Variants in CSTF3 observed in about 807,000 individuals in gnomAD.
The protein encoded by CSTF3 is CF-1 77 kDa subunit.
In CSTF3, 29 loss-of-function variants were observed where a neutral mutation model predicts 105.8. That is an observed-to-expected ratio of 0.27 (90% CI 0.20 to 0.37). CSTF3 has a LOEUF of 0.37. Ranked by LOEUF, CSTF3 falls within the 10% of genes least tolerant of loss-of-function variation. The pLI, the probability that CSTF3 is intolerant of heterozygous loss-of-function variation, is 1.00. For synonymous variants in CSTF3, 252 were observed against 281.9 expected, an observed-to-expected ratio of 0.89 and a Z score of 1.06; for missense variants, 357 against 879.3, an observed-to-expected ratio of 0.41 and a Z score of 7.51.
At chr11:33,156,499 T>C (rs112369147) in intron 1 of CSTF3, among the ~76,000 whole-genome samples, 73 of 152,372 alleles carry the variant, frequency 4.8e-4, no homozygotes, top group African/African-American at 1.7e-3. Context: ...TTCATTATTT[T>C]CTAAATCTTC....
intron 8 of CSTF3, among the ~76,000 whole-genome samples, chr11:33,104,907 C>A (rs533921399): frequency 1.3e-5 from 2 of 152,292 alleles, no homozygotes; most frequent in South Asian, 4.1e-4. Context: ...AATATACATA[C>A]GAAAAACTTT....
intron 17 of CSTF3, among the ~76,000 whole-genome samples, chr11:33,089,322 G>A (rs981766490): frequency 9.4e-5 from 14 of 149,282 alleles, no homozygotes; most frequent in Admixed American, 6.7e-5. Context: ...ACTCCAGCCT[G>A]GGCAACAGAG....
At position 33,099,487 on chromosome 11, in the gene CSTF3, C is replaced by A; in HGVS notation, c.936+121G>T. 1.4e-6 allele frequency: 1 copy of A among 727,626 alleles called. No individual in the cohort carries two copies. The allele number at this position is 727,626 out of a possible 1,614,324, so 45.1% of individuals were successfully genotyped here. Reference sequence around the variant, plus strand: ...TGAGTGTCACTAAGATTCATATGAACGTAAACTTAAATTTTCAATACTTAT... The same window carrying A: ...TGAGTGTCACTAAGATTCATATGAAAGTAAACTTAAATTTTCAATACTTAT... On this transcript the variant is annotated intron_variant, in intron 11 of 20. Transcript: ENST00000323959. This position sits in a 1 kb window ranked among gnomAD's most constrained non-coding sequence, Gnocchi z 4.1.
At chr11:33,120,908 T>A (rs1855480506) in intron 3 of CSTF3, among the ~76,000 whole-genome samples, 2 of 151,996 alleles carry the variant, frequency 1.3e-5, no homozygotes, top group African/African-American at 4.8e-5. Context: ...AAAACCTCAC[T>A]TCAATAAAAA....
intron 13 of CSTF3, among the ~76,000 whole-genome samples, chr11:33,097,481 T>A (rs1268190838): frequency 1.3e-5 from 2 of 152,176 alleles, no homozygotes; most frequent in Non-Finnish European, 2.9e-5. Flanking sequence ...GCCATTCTCC[T>A]GCCTCAGGCT....
chr11:33,141,458 G>C (rs1565017233), intron 3 of CSTF3: 1 of 1,301,680 alleles, frequency 7.7e-7, no homozygotes, highest in Non-Finnish European at 9.7e-7. Context: ...TAATGTTGTT[G>C]CAACTCCAAA....
In CSTF3 at chr11:33,099,269, G is replaced by A. The variant is rs1395999379; in HGVS notation, c.937-119C>T. The stretch of plus-strand genomic sequence containing the variant: ...TGTGTCTAAGAAAGCATACATGTAT[G>A]TACACACATATATATGTATCCACAC... On this transcript the variant is annotated intron_variant, in intron 11 of 20. Transcript: ENST00000323959. The surrounding 1 kb of genome is among the most constrained non-coding windows in gnomAD (Gnocchi z 4.1). 1.7e-6 allele frequency: 2 copies of A among 1,201,402 alleles called. No homozygotes were observed. The highest frequency in any genetic ancestry group is 2.3e-6 in the Non-Finnish European group (2 of 867,062). 74.4% of individuals were successfully genotyped at this position (1,201,402 alleles called of 1,614,324 possible).
chr11:33,110,796 T>C (rs571339226), intron 3 of CSTF3, among the ~76,000 whole-genome samples: 3 of 152,330 alleles, frequency 2.0e-5, no homozygotes, highest in East Asian at 3.9e-4. Context: ...TGAAGCCATG[T>C]AATGAAAAGG....
intron 15 of CSTF3, among the ~76,000 whole-genome samples, chr11:33,095,714 C>T (rs929113912): frequency 6.6e-6 from 1 of 150,712 alleles, no homozygotes; most frequent in Non-Finnish European, 1.5e-5. Context: ...CCAGCTACTC[C>T]GGAGGCTGAG....
chr11:33,103,149 T>C lies in CSTF3; in HGVS notation c.621A>G (p.Glu207=). 1 of 1,569,364 alleles carries C rather than the reference T, an allele frequency of 6.4e-7. No homozygotes were observed. The change falls in exon 9 of 21, where the codon GAA becomes GAG. Residue 207 remains glutamate, a synonymous_variant. Coordinates refer to ENST00000323959, the MANE Select transcript of CSTF3 (RefSeq NM_001326.3). ...INIHLAKKMI[E]DRSRDYMNAR... ...CATTCATATAATCTCTACTCCGATC[T>C]TCAATCATTTTTTTAGCTAAATGAA... is the stretch of plus-strand genomic sequence containing the variant.
rs2133780811 is a variant in CSTF3 at position 33,111,312 on chromosome 11, T to C, written c.226-2894A>G. ...AAACTTTGTAGTAGCAAAAACAGTT[T>C]AAAAATCAAATGTCCACCAGTGGGG... On this transcript the variant is annotated intron_variant, in intron 3 of 20. Coordinates refer to ENST00000323959, the MANE Select transcript of CSTF3 (RefSeq NM_001326.3). Among the ~76,000 whole-genome samples, 3 of 152,296 alleles carry C rather than the reference T, an allele frequency of 2.0e-5. No homozygotes were observed. In the South Asian group the frequency reaches 6.2e-4, roughly 32 times the overall value.
intron 3 of CSTF3, among the ~76,000 whole-genome samples, chr11:33,116,949 A>G (rs1412600381): frequency 6.6e-6 from 1 of 151,936 alleles, no homozygotes; most frequent in Admixed American, 6.6e-5. Context: ...AACAAGAATG[A>G]AAAGTGTTAT....
In CSTF3 at chr11:33,135,844, G is replaced by A. The variant is rs1855647758; in HGVS notation, c.225+5823C>T. Among the ~76,000 whole-genome samples the A allele has an allele frequency of 3.3e-5, 5 of 152,188 alleles. No homozygotes were observed. In the South Asian group the frequency reaches 1.0e-3, roughly 32 times the overall value. ...CTTAAAACGTCAACAGTACATGCTA[G>A]AGCTGAAATGTTGCATTTAAATAAA... is the stretch of plus-strand genomic sequence containing the variant. On this transcript the variant is annotated intron_variant, in intron 3 of 20. Coordinates refer to ENST00000323959, the MANE Select transcript of CSTF3 (RefSeq NM_001326.3).
chr11:33,087,591 G>C (rs1855118876), intron 17 of CSTF3, among the ~76,000 whole-genome samples: 1 of 152,200 alleles, frequency 6.6e-6, no homozygotes, highest in African/African-American at 2.4e-5. Flanking sequence ...CACCGGTTAA[G>C]ATTTTGCTAA....
chr11:33,140,723 C>A (rs1855701772), intron 3 of CSTF3, among the ~76,000 whole-genome samples: 1 of 151,956 alleles, frequency 6.6e-6, no homozygotes, highest in South Asian at 2.1e-4. Context: ...GTTGAGGCTG[C>A]AGTGTACTTG....
intron 8 of CSTF3, among the ~76,000 whole-genome samples, chr11:33,104,710 A>C (rs1419621294): frequency 1.3e-5 from 2 of 152,168 alleles, no homozygotes; most frequent in African/African-American, 4.8e-5. Context: ...GACTGCAATG[A>C]GCTGTGATTG....
intron 3 of CSTF3, among the ~76,000 whole-genome samples, chr11:33,117,993 A>G (rs564207234): frequency 8.6e-5 from 13 of 151,966 alleles, no homozygotes; most frequent in African/African-American, 3.1e-4. Flanking sequence ...TTTTATTTTC[A>G]TATCAATTTC....
chr11:33,115,301 C>T (rs910522152), intron 3 of CSTF3, among the ~76,000 whole-genome samples: 1 of 152,170 alleles, frequency 6.6e-6, no homozygotes, highest in Non-Finnish European at 1.5e-5. Context: ...AAATTCATCT[C>T]CTGTTCATTT....
chr11:33,134,560 T>C (rs1373883800), intron 3 of CSTF3: 3 of 152,214 alleles, frequency 2.0e-5, no homozygotes, highest in Non-Finnish European at 4.4e-5. Context: ...CTTAGTAGTG[T>C]TGTCATTTTG....
Sources: gnomAD v4.1 joint callset for allele counts (sites outside exome capture counted in the v4.1 genomes callset) on GRCh38, gnomAD v4.1.1 for gene constraint, Gnocchi (gnomAD v3.1) non-coding constraint, MANE v1.5 for transcripts, NCBI Gene and HGNC (gene_info 2026-07-23, HGNC 2026-07-21) for gene names.